Variants in PTPRT observed in about 807,000 individuals in gnomAD.
PTPRT encodes protein tyrosine phosphatase receptor type T, also known as receptor-type tyrosine-protein phosphatase T.
In PTPRT, 56 loss-of-function variants were observed where a neutral mutation model predicts 176.8. The ratio of observed to expected loss-of-function variants is 0.32; its 90% confidence interval spans 0.26 to 0.40. The LOEUF (loss-of-function observed/expected upper bound fraction) is 0.40. PTPRT is among the 10% of genes least tolerant of loss of function. The probability of loss-of-function intolerance (pLI) is 1.00; values close to 1 mark genes in which losing one functional copy is unlikely to be tolerated. For missense variants in PTPRT, 1,540 were observed against 1,908.2 expected (o/e 0.81, Z 3.60); for synonymous variants, 783 against 739.0 (o/e 1.06, Z -0.96).
At chr20:42,307,372 A>C (rs1023150957) in intron 12 of PTPRT, among the ~76,000 whole-genome samples, 8 of 152,178 alleles carry the variant, frequency 5.3e-5, no homozygotes, top group African/African-American at 1.9e-4. Context: ...GACCCATTTC[A>C]AATATATAGC....
intron 1 of PTPRT, among the ~76,000 whole-genome samples, chr20:43,074,889 G>A (rs1054298252): frequency 1.3e-5 from 2 of 152,134 alleles, no homozygotes; most frequent in Admixed American, 1.3e-4. Context: ...AAATATATCC[G>A]CACTCTTGAG....
chr20:42,359,806 C>T (rs1228424801), intron 9 of PTPRT, among the ~76,000 whole-genome samples: 1 of 152,234 alleles, frequency 6.6e-6, no homozygotes, highest in South Asian at 2.1e-4. Flanking sequence ...GGCTGCACAC[C>T]TTCCCCAGCA....
chr20:43,026,926 A>G (rs748237370), intron 1 of PTPRT, among the ~76,000 whole-genome samples: 7 of 152,242 alleles, frequency 4.6e-5, no homozygotes, highest in Non-Finnish European at 1.0e-4. Context: ...ATGGCTGAAC[A>G]GTACTCCATT....
At chr20:43,053,784 A>AC (rs1987135538) in intron 1 of PTPRT, among the ~76,000 whole-genome samples, 1 of 152,204 alleles carries the variant, frequency 6.6e-6, no homozygotes. Flanking sequence ...GTATCTGCTC[A>AC]CCGCTATAAC....
intron 12 of PTPRT, among the ~76,000 whole-genome samples, chr20:42,297,769 C>CA (rs983240405): frequency 1.3e-5 from 2 of 151,946 alleles, no homozygotes; most frequent in Admixed American, 6.6e-5. Flanking sequence ...ATTATCGGGA[C>CA]AAAAATGGAC....
At chr20:42,991,636 T>A (rs1282001551) in intron 1 of PTPRT, among the ~76,000 whole-genome samples, 1 of 152,068 alleles carries the variant, frequency 6.6e-6, no homozygotes, top group African/African-American at 2.4e-5. Context: ...TAGAAATGGA[T>A]AGGAATGATG....
At chr20:42,447,474 T>C (rs374648507) in intron 9 of PTPRT, among the ~76,000 whole-genome samples, 13 of 152,192 alleles carry the variant, frequency 8.5e-5, no homozygotes, top group South Asian at 6.2e-4. Flanking sequence ...TGTAATCTTA[T>C]GTTGTGTAAG....
intron 22 of PTPRT, among the ~76,000 whole-genome samples, chr20:42,114,758 G>A (rs1987185666): frequency 6.6e-6 from 1 of 152,154 alleles, no homozygotes; most frequent in African/African-American, 2.4e-5. Context: ...GAGACCACAT[G>A]CCTTGAACAG....
intron 16 of PTPRT, among the ~76,000 whole-genome samples, chr20:42,196,549 T>C (rs1016391005): frequency 6.6e-6 from 1 of 152,178 alleles, no homozygotes; most frequent in Non-Finnish European, 1.5e-5. Flanking sequence ...TACAGTACAA[T>C]AGAACATTAG....
intron 1 of PTPRT, among the ~76,000 whole-genome samples, chr20:43,177,767 T>C (rs1219819640): frequency 6.6e-6 from 1 of 152,202 alleles, no homozygotes; most frequent in Non-Finnish European, 1.5e-5. Flanking sequence ...CAACCTTCAA[T>C]AAAAAAGTGA....
intron 7 of PTPRT, among the ~76,000 whole-genome samples, chr20:42,667,580 T>C (rs1248220899): frequency 5.9e-5 from 9 of 152,230 alleles, no homozygotes. Flanking sequence ...GCTTTTACTA[T>C]CTTTAATGCT....
chr20:42,623,118 A>T (rs6030366), intron 7 of PTPRT, among the ~76,000 whole-genome samples: 32,608 of 152,100 alleles, frequency 0.21, 4,869 homozygotes, highest in African/African-American at 0.43. Flanking sequence ...CACCACTCAA[A>T]AAGACCCCCA....
chr20:42,719,205 G>C (rs1032040299), intron 6 of PTPRT, among the ~76,000 whole-genome samples: 6 of 152,218 alleles, frequency 3.9e-5, no homozygotes, highest in Non-Finnish European at 8.8e-5. Flanking sequence ...CAGCAGAACT[G>C]TCCGCGCAAG....
intron 6 of PTPRT, among the ~76,000 whole-genome samples, chr20:42,730,277 G>T (rs930683742): frequency 5.9e-5 from 9 of 152,152 alleles, no homozygotes; most frequent in Admixed American, 5.9e-4. Context: ...CTCACTGCTA[G>T]AAATAAGACC....
chr20:42,920,575 T>C (rs1979083054), intron 1 of PTPRT, among the ~76,000 whole-genome samples: 1 of 152,032 alleles, frequency 6.6e-6, no homozygotes, highest in Non-Finnish European at 1.5e-5. Context: ...ATACTTTTTT[T>C]TTTCCAAGAG....
chr20:42,080,183 C>G lies in PTPRT; in HGVS notation c.*696G>C, dbSNP rs1280650367. 8.6e-6 allele frequency: 2 copies of G among 232,792 alleles called. No homozygotes were observed. Among genetic ancestry groups the G allele is most frequent in the Non-Finnish European group, 1.7e-5 (2 of 117,846 alleles). The allele number at this position is 232,792 out of a possible 1,614,324, so 14.4% of individuals were successfully genotyped here. A position where few individuals can be genotyped will look rare whatever the true frequency, so the allele number is the denominator to read the frequency against. ...CCCTCCCACTGACCACACAAAAAAGCAAAGAACACCTTTATCAAAAACTGC... is the reference window on the plus strand; with the variant it reads ...CCCTCCCACTGACCACACAAAAAAGGAAAGAACACCTTTATCAAAAACTGC... On this transcript the variant is annotated 3_prime_UTR_variant, in exon 31 of 31. Transcript: ENST00000373187.
At chr20:42,827,483 A>G (rs1203999434) in intron 2 of PTPRT, among the ~76,000 whole-genome samples, 3 of 152,242 alleles carry the variant, frequency 2.0e-5, no homozygotes, top group Non-Finnish European at 4.4e-5. Context: ...TAAGGCAGAC[A>G]TCAAGAAGTT....
chr20:42,984,305 GAC>G (rs1325382472), intron 1 of PTPRT, among the ~76,000 whole-genome samples: 1 of 152,200 alleles, frequency 6.6e-6, no homozygotes, highest in Non-Finnish European at 1.5e-5. Context: ...GACTGGAATT[GAC>G]AGACCATATA....
chr20:43,087,969 T>C (rs1267381614), intron 1 of PTPRT, among the ~76,000 whole-genome samples: 1 of 152,206 alleles, frequency 6.6e-6, no homozygotes, highest in Non-Finnish European at 1.5e-5. Flanking sequence ...TTCTACTCCA[T>C]ACCACTGTAA....
Sources: allele counts gnomAD v4.1 joint callset (sites outside exome capture counted in the v4.1 genomes callset), GRCh38; gene constraint gnomAD v4.1.1; transcripts MANE v1.5; gene names NCBI Gene and HGNC (gene_info 2026-07-23, HGNC 2026-07-21).